The following KLRD1 variants were observed in gnomAD, a reference collection of about 807,000 sequenced individuals.
KLRD1 encodes the protein natural killer cells antigen CD94.
A neutral mutation model predicts 22.6 loss-of-function variants in KLRD1; 21 were observed. The ratio of observed to expected loss-of-function variants is 0.93; its 90% confidence interval spans 0.66 to 1.34. KLRD1 has a LOEUF of 1.34. Among genes scored for constraint, KLRD1 ranks in the 40% most tolerant of loss-of-function variants. KLRD1 has a pLI of 0.00. For synonymous variants in KLRD1, 59 were observed against 71.1 expected (o/e 0.83, Z 0.85); for missense variants, 183 against 208.6 (o/e 0.88, Z 0.76).
In KLRD1 at chr12:10,320,710, G is replaced by A. The variant is rs1950304582; in HGVS notation, c.*5917G>A. 1 of 151,076 alleles carries A rather than the reference G, an allele frequency of 6.6e-6. No individual in the cohort carries two copies. The highest frequency in any genetic ancestry group is 1.5e-5 in the Non-Finnish European group (1 of 68,036). The allele number at this position is 151,076 out of a possible 1,614,324, so 9.4% of individuals were successfully genotyped here. The stretch of plus-strand genomic sequence containing the variant: ...ATTCTGAGCAAAGATCCAATCTAGA[G>A]TGCTCTCAGGAAAGCATGATTCTAA... On this transcript the variant is annotated 3_prime_UTR_variant, in exon 6 of 6. Transcript: ENST00000336164.
chr12:10,254,380 C>A (rs866643740), intron 1 of KLRD1, among the ~76,000 whole-genome samples: 3 of 134,904 alleles, frequency 2.2e-5, no homozygotes, highest in African/African-American at 8.3e-5. Flanking sequence ...TGCAGTGAGC[C>A]GAGATCGCGC....
chr12:10,298,951 CTGGG>C lies in KLRD1; in HGVS notation c.-100-9025_-100-9022del. Among the ~76,000 whole-genome samples the C allele has an allele frequency of 1.3e-5, 2 of 152,322 alleles. 1 individual carries two copies. Among genetic ancestry groups the C allele is most frequent in the Middle Eastern group, 6.8e-3 (2 of 294 alleles). On this transcript the variant is annotated intron_variant, in intron 1 of 5. Transcript: ENST00000544747. Reference sequence around the variant, plus strand: ...TGTGTCTTTAATTCCTCTAGCACCGCTGGGTTAGGGTCTCCACGACTGAGCTGGT... The same window carrying C: ...TGTGTCTTTAATTCCTCTAGCACCGCTTAGGGTCTCCACGACTGAGCTGGT...
At chr12:10,240,096 T>G (rs1294720131) in intron 1 of KLRD1, among the ~76,000 whole-genome samples, 1 of 151,966 alleles carries the variant, frequency 6.6e-6, no homozygotes, top group Admixed American at 6.6e-5. Context: ...GTTCTTACTT[T>G]GTCACCCAGG....
intron 1 of KLRD1, among the ~76,000 whole-genome samples, chr12:10,285,461 G>C (rs1194077789): frequency 6.6e-6 from 1 of 152,174 alleles, no homozygotes; most frequent in Non-Finnish European, 1.5e-5. Context: ...GTCATGATAA[G>C]GGTTCTGAAA....
At chr12:10,303,239 A>G (rs1161098072), upstream of KLRD1, among the ~76,000 whole-genome samples, 1 of 151,776 alleles carries the variant, frequency 6.6e-6, no homozygotes, top group Non-Finnish European at 1.5e-5. Context: ...TCACCATTTC[A>G]CCTTTATGCT....
intron 1 of KLRD1, among the ~76,000 whole-genome samples, chr12:10,258,591 G>A (rs910384697): frequency 6.6e-6 from 1 of 152,112 alleles, no homozygotes; most frequent in Non-Finnish European, 1.5e-5. Flanking sequence ...TAGATAATGA[G>A]TATGTTTGAA....
At chr12:10,245,687 G>A (rs1285709073) in intron 1 of KLRD1, among the ~76,000 whole-genome samples, 1 of 152,128 alleles carries the variant, frequency 6.6e-6, no homozygotes, top group African/African-American at 2.4e-5. Flanking sequence ...AGATAATGAC[G>A]TATGATTAAA....
chr12:10,285,490 T>C (rs556767363), intron 1 of KLRD1, among the ~76,000 whole-genome samples: 1 of 152,332 alleles, frequency 6.6e-6, no homozygotes, highest in East Asian at 1.9e-4. Flanking sequence ...GGACAAACCA[T>C]TCCTTTCTTT....
upstream of KLRD1, among the ~76,000 whole-genome samples, chr12:10,300,584 A>G (rs1487105472): frequency 6.6e-6 from 1 of 152,214 alleles, no homozygotes; most frequent in Non-Finnish European, 1.5e-5. Flanking sequence ...TTAAGGCCCT[A>G]AAGTTTCAGA....
chr12:10,296,960 G>A (rs960258328), intron 1 of KLRD1, among the ~76,000 whole-genome samples: 23 of 152,324 alleles, frequency 1.5e-4, no homozygotes, highest in Non-Finnish European at 2.8e-4. Context: ...CTTGTTAAGT[G>A]TGCGGTAGTT....
chr12:10,268,476 G>C (rs759586748), intron 1 of KLRD1, among the ~76,000 whole-genome samples: 4 of 152,182 alleles, frequency 2.6e-5, no homozygotes, highest in Admixed American at 1.3e-4. Flanking sequence ...TTGGATATTA[G>C]ATCTTGCTGG....
chr12:10,274,201 A>T (rs1949573070), intron 1 of KLRD1, among the ~76,000 whole-genome samples: 1 of 151,930 alleles, frequency 6.6e-6, no homozygotes, highest in South Asian at 2.1e-4. Flanking sequence ...AATCGCTTGA[A>T]CCCGGGAGGC....
intron 1 of KLRD1, among the ~76,000 whole-genome samples, chr12:10,284,367 T>C (rs1167923985): frequency 6.6e-6 from 1 of 152,146 alleles, no homozygotes; most frequent in Non-Finnish European, 1.5e-5. Flanking sequence ...AAGTGGGGAA[T>C]AGGTGTTTTG....
upstream of KLRD1, among the ~76,000 whole-genome samples, chr12:10,306,094 G>A (rs1174316262): frequency 5.9e-5 from 9 of 152,160 alleles, no homozygotes; most frequent in East Asian, 5.8e-4. Flanking sequence ...GCGTGAACAC[G>A]GGAGGCGGAG....
intron 4 of KLRD1, among the ~76,000 whole-genome samples, chr12:10,312,606 C>T (rs1376235356): frequency 2.1e-5 from 3 of 144,512 alleles, no homozygotes; most frequent in Non-Finnish European, 4.5e-5. Flanking sequence ...TCTCGATCTT[C>T]TGACCTCATG....
chr12:10,326,035 A>C lies in KLRD1; in HGVS notation c.*11242A>C, dbSNP rs1048281804. On this transcript the variant is annotated 3_prime_UTR_variant, in exon 6 of 6. Transcript: ENST00000336164. ...TGAGAGATGATATTTGGTGGTTATA[A>C]TTTGCATTTCCCTGATGATTAGTGA... The C allele has an allele frequency of 7.9e-5, 12 of 152,156 alleles. No homozygotes were observed. Among genetic ancestry groups the C allele is most frequent in the African/African-American group, 2.7e-4 (11 of 41,444 alleles). The allele number at this position is 152,156 out of a possible 1,614,324, so 9.4% of individuals were successfully genotyped here.
intron 1 of KLRD1, among the ~76,000 whole-genome samples, chr12:10,248,494 A>T (rs187602431): frequency 1.8e-4 from 27 of 149,822 alleles, no homozygotes; most frequent in Admixed American, 1.5e-3. Flanking sequence ...TGTTTATTTT[A>T]TTGTGTGAAA....
At chr12:10,246,227 C>T (rs893015877) in intron 1 of KLRD1, among the ~76,000 whole-genome samples, 2 of 152,034 alleles carry the variant, frequency 1.3e-5, no homozygotes, top group Admixed American at 6.6e-5. Flanking sequence ...GCAAACTTGT[C>T]ACTATAGTCT....
chr12:10,311,430 A>C (rs1188124652), intron 3 of KLRD1, 34 bp from the exon 4 acceptor site: 1 of 1,590,380 alleles, frequency 6.3e-7, no homozygotes, highest in African/African-American at 1.4e-5. Flanking sequence ...TCTAGTCTCC[A>C]GTGTCATTAG....
Sources: allele counts gnomAD v4.1 joint callset (sites outside exome capture counted in the v4.1 genomes callset), GRCh38; gene constraint gnomAD v4.1.1; transcripts MANE v1.5; gene names NCBI Gene and HGNC (gene_info 2026-07-23, HGNC 2026-07-21).